XRCC4: variants seen among roughly 807,000 people sequenced by gnomAD.
The protein encoded by XRCC4 is DNA repair protein XRCC4.
Under a neutral mutation model 39.1 loss-of-function variants are expected in XRCC4, and 28 were observed. That is an observed-to-expected ratio of 0.72 (90% CI 0.53 to 0.98). The LOEUF is 0.98. XRCC4 is among the 50% of genes least tolerant of loss of function. The probability of loss-of-function intolerance (pLI) is 0.00; values close to 1 mark genes in which losing one functional copy is unlikely to be tolerated. For missense variants in XRCC4, 350 were observed against 376.4 expected (o/e 0.93, Z 0.58); for synonymous variants, 123 against 126.4 (o/e 0.97, Z 0.18).
In XRCC4 at chr5:83,111,076, A is replaced by G; in HGVS notation, c.188A>G (p.Lys63Arg). 1 of 1,611,904 alleles carries G rather than the reference A, an allele frequency of 6.2e-7. No individual in the cohort carries two copies. Among genetic ancestry groups the G allele is most frequent in the Non-Finnish European group, 8.5e-7 (1 of 1,179,014 alleles). ...SQEADDMAMEKGKYVGELRKA... is the reference protein window; with the variant it reads ...SQEADDMAMERGKYVGELRKA... ...GAAGCTGATGACATGGCAATGGAAA[A>G]AGGGAAATATGTTGGTGAACTGAGA... Residue 63 changes from lysine (K) to arginine (R), a missense_variant, in exon 3 of 8, where the codon AAA becomes AGA. Coordinates refer to ENST00000396027, the MANE Select transcript of XRCC4 (RefSeq NM_003401.5).
At chr5:83,087,455 G>T (rs1745233615) in intron 1 of XRCC4, among the ~76,000 whole-genome samples, 1 of 151,404 alleles carries the variant, frequency 6.6e-6, no homozygotes, top group South Asian at 2.1e-4. Flanking sequence ...TTGAGGTCAG[G>T]CGTTTGAGAC....
chr5:83,103,170 A>G (rs1459007772), intron 1 of XRCC4, among the ~76,000 whole-genome samples: 1 of 151,842 alleles, frequency 6.6e-6, no homozygotes, highest in Non-Finnish European at 1.5e-5. Flanking sequence ...GGATAAAGAC[A>G]GAGGGAAATG....
chr5:83,291,109 T>A, intron 7 of XRCC4, among the ~76,000 whole-genome samples: 1 of 151,818 alleles, frequency 6.6e-6, no homozygotes, highest in East Asian at 1.9e-4. Context: ...TTTTCTGAAA[T>A]GTATGACAGT....
At chr5:83,266,391 C>A (rs1405751103) in intron 7 of XRCC4, among the ~76,000 whole-genome samples, 1 of 149,816 alleles carries the variant, frequency 6.7e-6, no homozygotes, top group East Asian at 1.9e-4. Context: ...AATATTTTAC[C>A]CACTAGAAAT....
chr5:83,351,366 A>T lies in XRCC4; in HGVS notation c.894-1765A>T, dbSNP rs28360336. Among the ~76,000 whole-genome samples, 24 of 152,278 alleles carry T rather than the reference A, an allele frequency of 1.6e-4. No individual in the cohort carries two copies. In the East Asian group the frequency reaches 4.4e-3, roughly 28 times the overall value. Reference sequence around the variant, plus strand: ...TCTGCAAATGGCTAGCCAGTTTTCCATGCACCATTTATTGTATTCACCTTG... The same window carrying T: ...TCTGCAAATGGCTAGCCAGTTTTCCTTGCACCATTTATTGTATTCACCTTG... On this transcript the variant is annotated intron_variant, in intron 7 of 7. Transcript: ENST00000396027.
intron 7 of XRCC4, among the ~76,000 whole-genome samples, chr5:83,340,451 A>G (rs1485454268): frequency 6.6e-6 from 1 of 152,206 alleles, no homozygotes; most frequent in African/African-American, 2.4e-5. Flanking sequence ...GTTAGGTCCA[A>G]TATAATCACA....
At chr5:83,144,528 T>TGTTC (rs1431386308) in intron 3 of XRCC4, among the ~76,000 whole-genome samples, 2 of 142,606 alleles carry the variant, frequency 1.4e-5, no homozygotes, top group African/African-American at 5.3e-5. Context: ...CTTTTTTGTT[T>TGTTC]GTTTGTTTGT....
At chr5:83,292,157 G>A (rs1754943660) in intron 7 of XRCC4, among the ~76,000 whole-genome samples, 1 of 151,686 alleles carries the variant, frequency 6.6e-6, no homozygotes, top group Admixed American at 6.6e-5. Context: ...AAATTGCCTG[G>A]CAAATAACAG....
intron 3 of XRCC4, among the ~76,000 whole-genome samples, chr5:83,131,410 T>A (rs1386528600): frequency 6.6e-6 from 1 of 152,182 alleles, no homozygotes; most frequent in Non-Finnish European, 1.5e-5. Flanking sequence ...GGTGCAGAGC[T>A]GAGTTCAATT....
At chr5:83,361,108 G>A in the XRCC4 span, among the ~76,000 whole-genome samples, 1 of 152,094 alleles carries the variant, frequency 6.6e-6, no homozygotes, top group Non-Finnish European at 1.5e-5. Context: ...CTCTGAACTT[G>A]AGTTTTCTTA....
intron 4 of XRCC4, 132 bp from the exon 5 acceptor site, chr5:83,203,420 A>T: frequency 1.4e-6 from 1 of 692,832 alleles, no homozygotes; most frequent in South Asian, 3.1e-5. Flanking sequence ...TAAAACTTCC[A>T]AGTCAGTGAA....
the XRCC4 span, among the ~76,000 whole-genome samples, chr5:83,365,799 A>G: frequency 6.6e-6 from 1 of 152,212 alleles, no homozygotes; most frequent in Non-Finnish European, 1.5e-5. Flanking sequence ...GACCAATTAC[A>G]ACTTCAGTAA....
intron 3 of XRCC4, among the ~76,000 whole-genome samples, chr5:83,120,321 G>C (rs1032784792): frequency 6.6e-6 from 1 of 151,934 alleles, no homozygotes; most frequent in Admixed American, 6.6e-5. Flanking sequence ...TTTTAAATTT[G>C]TTTAGGGATA....
chr5:83,336,545 T>G (rs1399488054), intron 7 of XRCC4, among the ~76,000 whole-genome samples: 1 of 152,186 alleles, frequency 6.6e-6, no homozygotes, highest in African/African-American at 2.4e-5. Flanking sequence ...CAGCTTTCAC[T>G]TACTTAAATT....
At chr5:83,089,628 T>C (rs1745330781) in intron 1 of XRCC4, among the ~76,000 whole-genome samples, 1 of 152,206 alleles carries the variant, frequency 6.6e-6, no homozygotes, top group South Asian at 2.1e-4. Flanking sequence ...CCTATACTTT[T>C]GACCAACCAG....
chr5:83,117,836 G>A (rs955272498), intron 3 of XRCC4, among the ~76,000 whole-genome samples: 1 of 151,864 alleles, frequency 6.6e-6, no homozygotes, highest in Admixed American at 6.6e-5. Context: ...CACTTATGAA[G>A]CCATCACTTA....
intron 7 of XRCC4, among the ~76,000 whole-genome samples, chr5:83,312,310 A>G (rs1282822046): frequency 5.3e-5 from 8 of 152,330 alleles, no homozygotes; most frequent in African/African-American, 1.9e-4. Flanking sequence ...AAGAGAGTGT[A>G]ATGAAAGAGG....
intron 3 of XRCC4, among the ~76,000 whole-genome samples, chr5:83,194,501 A>T (rs1750856111): frequency 6.6e-6 from 1 of 152,156 alleles, no homozygotes; most frequent in Non-Finnish European, 1.5e-5. Flanking sequence ...TGTAATAAAG[A>T]TTTGTCTCAA....
At chr5:83,096,377 G>A (rs960060102) in intron 1 of XRCC4, among the ~76,000 whole-genome samples, 1 of 152,178 alleles carries the variant, frequency 6.6e-6, no homozygotes, top group African/African-American at 2.4e-5. Flanking sequence ...ACTGATGTTG[G>A]TGGGCTGACC....
Sources: gnomAD v4.1 joint callset for allele counts (sites outside exome capture counted in the v4.1 genomes callset) on GRCh38, gnomAD v4.1.1 for gene constraint, MANE v1.5 for transcripts, NCBI Gene and HGNC (gene_info 2026-07-23, HGNC 2026-07-21) for gene names.